RORA: variants seen among roughly 807,000 people sequenced by gnomAD.
The protein encoded by RORA is nuclear receptor ROR-alpha.
A neutral mutation model predicts 69.5 loss-of-function variants in RORA; 7 were observed. That is an observed-to-expected ratio of 0.10 (90% CI 0.06 to 0.19). The LOEUF is 0.19. Ranked by LOEUF, RORA falls within the 10% of genes least tolerant of loss-of-function variation. The pLI, the probability that RORA is intolerant of heterozygous loss-of-function variation, is 1.00. For synonymous variants in RORA, 261 were observed against 240.8 expected (o/e 1.08, Z -0.78); for missense variants, 457 against 663.0 (o/e 0.69, Z 3.41).
At chr15:60,777,177 C>G (rs1463623977) in intron 1 of RORA, among the ~76,000 whole-genome samples, 1 of 152,198 alleles carries the variant, frequency 6.6e-6, no homozygotes, top group African/African-American at 2.4e-5. Context: ...AGAAACAAAG[C>G]ATAAGAATGT....
At chr15:60,634,399 C>CTTTTTTTTTT (rs10604472) in intron 2 of RORA, among the ~76,000 whole-genome samples, 1 of 142,614 alleles carries the variant, frequency 7.0e-6, no homozygotes. Context: ...AGTGCTACCA[C>CTTTTTTTTTT]TTTTTTTTTT....
intron 2 of RORA, among the ~76,000 whole-genome samples, chr15:60,564,620 C>T (rs1242758135): frequency 6.6e-6 from 1 of 152,214 alleles, no homozygotes; most frequent in East Asian, 1.9e-4. Flanking sequence ...TCAGGACAAT[C>T]CTTTAACCAG....
At chr15:60,651,891 C>T (rs2070147663) in intron 2 of RORA, among the ~76,000 whole-genome samples, 1 of 152,160 alleles carries the variant, frequency 6.6e-6, no homozygotes, top group African/African-American at 2.4e-5. Flanking sequence ...TTTCATGGGC[C>T]GTTAAGCATG....
intron 1 of RORA, among the ~76,000 whole-genome samples, chr15:60,749,533 G>A (rs2071694013): frequency 6.6e-6 from 1 of 152,160 alleles, no homozygotes; most frequent in African/African-American, 2.4e-5. Flanking sequence ...ATCAATTTAA[G>A]TAACCCTTAC....
At chr15:60,660,268 A>G (rs960748163) in intron 2 of RORA, among the ~76,000 whole-genome samples, 1 of 152,242 alleles carries the variant, frequency 6.6e-6, no homozygotes, top group Non-Finnish European at 1.5e-5. Context: ...GTCTTATTCT[A>G]TGAATCAGAT....
chr15:60,684,332 C>T (rs1276664189), intron 1 of RORA, among the ~76,000 whole-genome samples: 1 of 152,118 alleles, frequency 6.6e-6, no homozygotes, highest in Non-Finnish European at 1.5e-5. Flanking sequence ...AAAAAACGAA[C>T]AGGCTGGTCA....
intron 1 of RORA, among the ~76,000 whole-genome samples, chr15:60,902,089 T>C (rs569416746): frequency 4.6e-4 from 70 of 152,272 alleles, no homozygotes; most frequent in Non-Finnish European, 3.2e-4. Flanking sequence ...TTAGACAATA[T>C]TATAGATAAA....
chr15:60,498,859 GA>G (rs112516096), intron 10 of RORA, among the ~76,000 whole-genome samples: 9,947 of 109,676 alleles, frequency 0.091, 925 homozygotes, highest in African/African-American at 0.25. Flanking sequence ...CTATAAAGGA[GA>G]AAAAAAAAAA....
intron 2 of RORA, among the ~76,000 whole-genome samples, chr15:60,675,236 G>C (rs561037622): frequency 1.3e-4 from 20 of 152,298 alleles, no homozygotes; most frequent in African/African-American, 4.8e-4. Context: ...TTCCGAAAAT[G>C]ATACTTATCT....
At chr15:61,121,106 T>TC (rs141683276) in intron 1 of RORA, among the ~76,000 whole-genome samples, 5,407 of 152,162 alleles carry the variant, frequency 0.036, 158 homozygotes, top group East Asian at 0.13. Context: ...CGCCTCAGCC[T>TC]CCCAAAGTGC....
intron 1 of RORA, among the ~76,000 whole-genome samples, chr15:60,977,576 C>G (rs189017596): frequency 1.1e-4 from 17 of 152,126 alleles, no homozygotes; most frequent in African/African-American, 4.1e-4. Context: ...CAGAACATGA[C>G]CCCAAAAAGA....
At chr15:60,672,309 A>G (rs1181430450) in intron 2 of RORA, among the ~76,000 whole-genome samples, 2 of 152,130 alleles carry the variant, frequency 1.3e-5, no homozygotes, top group Non-Finnish European at 2.9e-5. Context: ...TTTAGAGTGG[A>G]AGAACCACTC....
chr15:60,939,354 G>A (rs1892619027), intron 1 of RORA, among the ~76,000 whole-genome samples: 2 of 152,132 alleles, frequency 1.3e-5, no homozygotes, highest in South Asian at 2.1e-4. Context: ...AAAGGGGGCT[G>A]GAGAGGAGGG....
intron 1 of RORA, among the ~76,000 whole-genome samples, chr15:60,758,534 C>A (rs1232345210): frequency 6.6e-6 from 1 of 152,070 alleles, no homozygotes; most frequent in Non-Finnish European, 1.5e-5. Context: ...AGGCTGGAGA[C>A]CTCTCTGTTT....
intron 2 of RORA, among the ~76,000 whole-genome samples, chr15:60,574,030 C>T (rs1176506656): frequency 1.3e-5 from 2 of 152,178 alleles, no homozygotes; most frequent in African/African-American, 4.8e-5. Context: ...GAAAAAGCCC[C>T]TAACCTCAAT....
intron 2 of RORA, chr15:60,592,395 G>T (rs150952015): frequency 0.046 from 65,575 of 1,433,980 alleles, 1,642 homozygotes; most frequent in Non-Finnish European, 0.053. Context: ...ACCTTTCATC[G>T]CTGCGATCAC....
chr15:60,757,461 G>A (rs2071819634), intron 1 of RORA, among the ~76,000 whole-genome samples: 2 of 152,108 alleles, frequency 1.3e-5, no homozygotes, highest in Admixed American at 6.5e-5. Context: ...CTCTGTCTCA[G>A]GGCCTTTGCA....
At chr15:60,580,069 AGC>A (rs2068148909) in intron 2 of RORA, among the ~76,000 whole-genome samples, 1 of 152,172 alleles carries the variant, frequency 6.6e-6, no homozygotes. Flanking sequence ...CAAAAAAAAA[AGC>A]ACATTATTTA....
At chr15:60,607,254 A>G (rs2068968534) in intron 2 of RORA, among the ~76,000 whole-genome samples, 1 of 152,168 alleles carries the variant, frequency 6.6e-6, no homozygotes, top group South Asian at 2.1e-4. Flanking sequence ...TACACACCAT[A>G]ATAATTAATG....
Sources: allele counts gnomAD v4.1 joint callset (sites outside exome capture counted in the v4.1 genomes callset), GRCh38; gene constraint gnomAD v4.1.1; transcripts MANE v1.5; gene names NCBI Gene and HGNC (gene_info 2026-07-23, HGNC 2026-07-21).